Variants in AMN1 observed in about 807,000 individuals in gnomAD.
AMN1 encodes the protein antagonist of mitotic exit network 1 homolog, also known as protein AMN1 homolog.
A neutral mutation model predicts 33.0 loss-of-function variants in AMN1; 20 were observed. The ratio of observed to expected loss-of-function variants is 0.61; its 90% CI spans 0.43 to 0.88. The LOEUF (loss-of-function observed/expected upper bound fraction) is 0.88. Among genes scored for constraint, AMN1 ranks in the 40% least tolerant of loss-of-function variants. The pLI, the probability that AMN1 is intolerant of heterozygous loss-of-function variation, is 0.00. For missense variants in AMN1, 246 were observed against 307.4 expected, an observed-to-expected ratio of 0.80 and a Z score of 1.49; for synonymous variants, 114 against 111.9, an observed-to-expected ratio of 1.02 and a Z score of -0.12.
rs543809895 is a variant in AMN1, at chr12:31,689,480, G to A, written c.592-362C>T. 3.9e-5 allele frequency among the ~76,000 whole-genome samples: 6 copies of A among 152,242 alleles called. No individual in the cohort carries two copies. The South Asian group carries it at 1.2e-3, about 32-fold the overall frequency. On this transcript the variant is annotated intron_variant, in intron 5 of 6. Transcript: ENST00000281471. ...TAATAGTAAAAAAAGTGGAGAACGG[G>A]AAAATCAATGCTTTATAGAAAACAG...
intron 1 of AMN1, among the ~76,000 whole-genome samples, chr12:31,725,699 G>GTATT (rs1322843218): frequency 6.6e-6 from 1 of 151,956 alleles, no homozygotes; most frequent in Non-Finnish European, 1.5e-5. Flanking sequence ...GTGTATTTAT[G>GTATT]TATTTATTTA....
chr12:31,689,054 CAGT>C lies in AMN1; in HGVS notation c.653_655del (p.Tyr218del). The C allele has an allele frequency of 6.2e-7, 1 of 1,613,474 alleles. No individual in the cohort carries two copies. Among genetic ancestry groups the C allele is most frequent in the Non-Finnish European group, 8.5e-7 (1 of 1,179,692 alleles). On this transcript the variant is annotated inframe_deletion, in exon 6 of 7. Coordinates refer to ENST00000281471, the MANE Select transcript of AMN1 (RefSeq NM_001113402.2). ...GAAGAGTAATATACGTATTTGAGGA[CAGT>C]AAGTAAGGACAGCTTCGACAGCCCC... is the stretch of plus-strand genomic sequence containing the variant.
chr12:31,727,684 A>G (rs1484191207), intron 1 of AMN1, among the ~76,000 whole-genome samples: 2 of 152,134 alleles, frequency 1.3e-5, no homozygotes, highest in Non-Finnish European at 2.9e-5. Flanking sequence ...AAATTTCAAA[A>G]GTTTGTTACT....
At chr12:31,696,280 G>GTATTTATTTATTTATTTATT (rs1555187227) in intron 5 of AMN1, among the ~76,000 whole-genome samples, 3 of 149,968 alleles carry the variant, frequency 2.0e-5, no homozygotes, top group East Asian at 2.0e-4. Context: ...AAATAAAAAA[G>GTATTTATTTATTTATTTATT]TATTTATTTA....
chr12:31,706,131 T>C (rs1048453623), intron 2 of AMN1, among the ~76,000 whole-genome samples: 1 of 151,808 alleles, frequency 6.6e-6, no homozygotes, highest in African/African-American at 2.4e-5. Context: ...GCTAACATGG[T>C]GAAACCCCGT....
intron 2 of AMN1, chr12:31,708,707 G>A: frequency 6.0e-6 from 1 of 167,358 alleles, no homozygotes; most frequent in South Asian, 1.5e-4. Context: ...ACCCCCGGCG[G>A]CCCAGCTGTA....
At chr12:31,673,616 C>CT (rs1269371179) in intron 6 of AMN1, 1 of 433,944 alleles carries the variant, frequency 2.3e-6, no homozygotes. Flanking sequence ...CTTTCCAACT[C>CT]TTTCTGTGAG....
chr12:31,680,541 T>C (rs923272715), intron 6 of AMN1, among the ~76,000 whole-genome samples: 1 of 152,212 alleles, frequency 6.6e-6, no homozygotes, highest in African/African-American at 2.4e-5. Flanking sequence ...AGCTTAGTTT[T>C]TATCTCTTCT....
At chr12:31,701,599 C>T (rs1232062073) in intron 3 of AMN1, among the ~76,000 whole-genome samples, 1 of 152,162 alleles carries the variant, frequency 6.6e-6, no homozygotes, top group African/African-American at 2.4e-5. Context: ...TCATAAGCCA[C>T]CTAGCCTGGC....
At chr12:31,672,607 AC>A (rs1277803028) in intron 6 of AMN1, 2 of 377,100 alleles carry the variant, frequency 5.3e-6, no homozygotes, top group South Asian at 4.4e-5. Context: ...AAAAAAAAAA[AC>A]AGGCATTTGT....
intron 2 of AMN1, among the ~76,000 whole-genome samples, chr12:31,708,040 A>G (rs574617161): frequency 5.7e-4 from 87 of 152,294 alleles, no homozygotes; most frequent in African/African-American, 2.0e-3. Context: ...TGATTGTAAA[A>G]CATGTGTTTG....
chr12:31,695,909 C>T (rs1268729665), intron 5 of AMN1, among the ~76,000 whole-genome samples: 6 of 151,972 alleles, frequency 3.9e-5, no homozygotes, highest in Admixed American at 1.3e-4. Context: ...TTGGCAAAAA[C>T]GTGGCATTGT....
At chr12:31,720,008 T>C (rs1232485519) in intron 1 of AMN1, among the ~76,000 whole-genome samples, 1 of 152,260 alleles carries the variant, frequency 6.6e-6, no homozygotes, top group Non-Finnish European at 1.5e-5. Context: ...TGTATATATA[T>C]ATTTCATTGT....
intron 5 of AMN1, among the ~76,000 whole-genome samples, chr12:31,694,710 T>A (rs566888430): frequency 3.3e-5 from 5 of 152,242 alleles, no homozygotes; most frequent in South Asian, 2.1e-4. Flanking sequence ...TGTGCCACTG[T>A]ACTCCACCCT....
chr12:31,729,124 T>A (rs1334038031), upstream of AMN1: 3 of 1,196,424 alleles, frequency 2.5e-6, no homozygotes, highest in Admixed American at 2.7e-5. Flanking sequence ...GTCACACGGA[T>A]TTTTCCGGTG....
intron 5 of AMN1, among the ~76,000 whole-genome samples, chr12:31,690,476 T>C (rs927402454): frequency 2.6e-5 from 4 of 152,212 alleles, no homozygotes; most frequent in African/African-American, 7.2e-5. Context: ...TGGTATCGCA[T>C]TGTGGTTTTG....
At chr12:31,729,107 T>G, upstream of AMN1, 1 of 1,335,052 alleles carries the variant, frequency 7.5e-7, no homozygotes, top group South Asian at 1.4e-5. Context: ...GCGTAGGTTT[T>G]TGTGACGTCA....
rs1405569219 is a variant in AMN1 at position 31,687,667 on chromosome 12, A to G, written c.703+1340T>C. ...CACTGCACTCCAGCCTCGGCGGGTG[A>G]CAGAGCGAGATTCTGTCTCAAAAAA... On this transcript the variant is annotated intron_variant, in intron 6 of 6. Coordinates refer to ENST00000281471, the MANE Select transcript of AMN1 (RefSeq NM_001113402.2). This position sits in a 1 kb window ranked among gnomAD's most constrained non-coding sequence, Gnocchi z 4.1. Among the ~76,000 whole-genome samples, 1 of 151,768 alleles carries G rather than the reference A, an allele frequency of 6.6e-6. No homozygotes were observed. Among genetic ancestry groups the G allele is most frequent in the Non-Finnish European group, 1.5e-5 (1 of 67,964 alleles).
chr12:31,676,863 T>C (rs1299167124), intron 6 of AMN1, among the ~76,000 whole-genome samples: 1 of 151,842 alleles, frequency 6.6e-6, no homozygotes, highest in Non-Finnish European at 1.5e-5. Context: ...ACAGTCTCCT[T>C]AGGCAGCTTC....
Sources: allele counts gnomAD v4.1 joint callset (sites outside exome capture counted in the v4.1 genomes callset), GRCh38; gene constraint gnomAD v4.1.1; non-coding constraint Gnocchi (gnomAD v3.1); transcripts MANE v1.5; gene names NCBI Gene and HGNC (gene_info 2026-07-23, HGNC 2026-07-21).